The following RIMS2 variants were observed in gnomAD, a reference collection of about 807,000 sequenced individuals.
RIMS2 encodes the protein regulating synaptic membrane exocytosis 2, also known as regulating synaptic membrane exocytosis protein 2.
A neutral mutation model predicts 174.4 loss-of-function variants in RIMS2; 59 were observed. The ratio of observed to expected loss-of-function variants is 0.34; its 90% CI spans 0.27 to 0.42. The LOEUF (loss-of-function observed/expected upper bound fraction) is 0.42. Among genes scored for constraint, RIMS2 ranks in the 10% least tolerant of loss-of-function variants. The pLI, the probability that RIMS2 is intolerant of heterozygous loss-of-function variation, is 1.00. For synonymous variants in RIMS2, 606 were observed against 572.5 expected (o/e 1.06, Z -0.84); for missense variants, 1,620 against 1,666.3 (o/e 0.97, Z 0.48).
chr8:103,700,430 A>G (rs2097154242), intron 2 of RIMS2, among the ~76,000 whole-genome samples: 1 of 151,690 alleles, frequency 6.6e-6, no homozygotes, highest in Non-Finnish European at 1.5e-5. Context: ...CTCTCTATCT[A>G]GATGTATATT....
At chr8:103,740,750 T>TA (rs1453958173) in intron 2 of RIMS2, among the ~76,000 whole-genome samples, 2 of 152,178 alleles carry the variant, frequency 1.3e-5, no homozygotes, top group African/African-American at 4.8e-5. Context: ...GTAAAACTGT[T>TA]ACAGCCTCTT....
intron 4 of RIMS2, among the ~76,000 whole-genome samples, chr8:103,898,174 A>G (rs2154523354): frequency 6.6e-6 from 1 of 151,718 alleles, no homozygotes; most frequent in African/African-American, 2.4e-5. Flanking sequence ...CTACCCTCTA[A>G]AGAGTATATG....
chr8:103,561,955 A>G (rs777695833), intron 1 of RIMS2, among the ~76,000 whole-genome samples: 1 of 152,182 alleles, frequency 6.6e-6, no homozygotes, highest in Non-Finnish European at 1.5e-5. Context: ...GTGCAGGGAA[A>G]CTTGCTCTTA....
At chr8:104,222,135 T>C (rs2441921) in intron 19 of RIMS2, among the ~76,000 whole-genome samples, 51,250 of 152,098 alleles carry the variant, frequency 0.34, 8,988 homozygotes, top group African/African-American at 0.44. Flanking sequence ...GTCCCATACC[T>C]CTTAACTTTT....
chr8:103,669,505 C>A (rs2096718122), intron 1 of RIMS2, among the ~76,000 whole-genome samples: 1 of 152,222 alleles, frequency 6.6e-6, no homozygotes, highest in Admixed American at 6.5e-5. Flanking sequence ...TGAGACAAGG[C>A]AAGTCCCTTC....
intron 19 of RIMS2, among the ~76,000 whole-genome samples, chr8:104,145,208 T>C (rs1359956132): frequency 7.2e-5 from 11 of 152,196 alleles, no homozygotes; most frequent in Admixed American, 6.5e-4. Context: ...TTTTCCTTTA[T>C]GATAAATTGT....
intron 3 of RIMS2, among the ~76,000 whole-genome samples, chr8:103,783,783 A>C (rs2098415453): frequency 6.7e-6 from 1 of 150,288 alleles, no homozygotes; most frequent in Non-Finnish European, 1.5e-5. Flanking sequence ...GTATATGCCC[A>C]GTAATGGGAT....
intron 19 of RIMS2, among the ~76,000 whole-genome samples, chr8:104,226,047 G>A (rs2099186150): frequency 6.6e-6 from 1 of 151,776 alleles, no homozygotes; most frequent in African/African-American, 2.4e-5. Flanking sequence ...TTTCTTTTGA[G>A]ACACCCACAC....
chr8:104,247,821 G>A (rs1166629413), intron 20 of RIMS2, among the ~76,000 whole-genome samples: 2 of 152,198 alleles, frequency 1.3e-5, no homozygotes, highest in Non-Finnish European at 2.9e-5. Context: ...GCCCAAGGGA[G>A]AGATCCAAGC....
intron 3 of RIMS2, among the ~76,000 whole-genome samples, chr8:103,834,483 G>T (rs1223601695): frequency 6.6e-6 from 1 of 151,402 alleles, no homozygotes; most frequent in African/African-American, 2.4e-5. Context: ...ATTGTAGGGG[G>T]CATGCCACTG....
At chr8:104,034,801 C>T (rs1486658300) in intron 19 of RIMS2, among the ~76,000 whole-genome samples, 1 of 151,810 alleles carries the variant, frequency 6.6e-6, no homozygotes, top group Non-Finnish European at 1.5e-5. Context: ...TAATTGACAT[C>T]AGTATAGATA....
chr8:104,144,378 G>A (rs1338762518), intron 19 of RIMS2, among the ~76,000 whole-genome samples: 1 of 152,108 alleles, frequency 6.6e-6, no homozygotes, highest in African/African-American at 2.4e-5. Flanking sequence ...AATCTATTGT[G>A]TAGTAATCTG....
intron 1 of RIMS2, among the ~76,000 whole-genome samples, chr8:103,560,812 A>G (rs1443148845): frequency 6.6e-6 from 1 of 152,154 alleles, no homozygotes; most frequent in Non-Finnish European, 1.5e-5. Flanking sequence ...TACCATATTT[A>G]TGTTATTTTG....
intron 12 of RIMS2, among the ~76,000 whole-genome samples, chr8:103,932,927 C>A (rs888398350): frequency 6.6e-6 from 1 of 150,690 alleles, no homozygotes; most frequent in Non-Finnish European, 1.5e-5. Flanking sequence ...GAGGCCGAGG[C>A]GGGTGGATTA....
chr8:103,568,791 G>A, intron 1 of RIMS2: 1 of 1,152,562 alleles, frequency 8.7e-7, no homozygotes, highest in Non-Finnish European at 1.3e-6. Context: ...GTCTTTTGCT[G>A]TTTGTGCAAT....
chr8:103,918,827 A>C (rs1001400789), intron 9 of RIMS2, among the ~76,000 whole-genome samples: 3 of 152,174 alleles, frequency 2.0e-5, no homozygotes, highest in Non-Finnish European at 2.9e-5. Context: ...AAAAATCATG[A>C]ATATATTCAC....
intron 3 of RIMS2, among the ~76,000 whole-genome samples, chr8:103,837,434 A>G (rs1378713383): frequency 6.6e-6 from 1 of 152,218 alleles, no homozygotes; most frequent in East Asian, 1.9e-4. Flanking sequence ...CAGGTTAGTT[A>G]CATATGTATA....
chr8:103,958,682 A>G (rs1175295900), intron 14 of RIMS2, among the ~76,000 whole-genome samples: 1 of 152,242 alleles, frequency 6.6e-6, no homozygotes, highest in African/African-American at 2.4e-5. Context: ...TGACTGAAAT[A>G]TAATTTAAGC....
intron 1 of RIMS2, among the ~76,000 whole-genome samples, chr8:103,599,326 GTAGT>G (rs983025134): frequency 3.3e-5 from 5 of 150,248 alleles, no homozygotes; most frequent in African/African-American, 1.2e-4. Flanking sequence ...GGTATCACAA[GTAGT>G]TAGTGATGAA....
Sources: gnomAD v4.1 joint callset for allele counts (sites outside exome capture counted in the v4.1 genomes callset) on GRCh38, gnomAD v4.1.1 for gene constraint, MANE v1.5 for transcripts, NCBI Gene and HGNC (gene_info 2026-07-23, HGNC 2026-07-21) for gene names.